Variants in HOMER2 observed in about 807,000 individuals in gnomAD.
The protein encoded by HOMER2 is homer protein homolog 2.
In HOMER2, 27 loss-of-function variants were observed where a neutral mutation model predicts 47.0. That is an observed-to-expected ratio of 0.57 (90% confidence interval 0.42 to 0.79). The LOEUF (loss-of-function observed/expected upper bound fraction) is 0.79, where lower values mean the gene tolerates loss of function less well. HOMER2 is among the 30% of genes least tolerant of loss of function. The pLI, the probability that HOMER2 is intolerant of heterozygous loss-of-function variation, is 0.00. For missense variants in HOMER2, 443 were observed against 435.0 expected, an observed-to-expected ratio of 1.02 and a Z score of -0.16; for synonymous variants, 161 against 163.8, an observed-to-expected ratio of 0.98 and a Z score of 0.13.
intron 7 of HOMER2, among the ~76,000 whole-genome samples, chr15:82,851,791 T>A (rs772395635): frequency 2.1e-4 from 32 of 152,170 alleles, no homozygotes; most frequent in African/African-American, 3.9e-4. Context: ...TAAATTTTTT[T>A]AAAAAAGAAA....
Position 82,928,940 on chromosome 15 carries a change from TAAAAAAA to T in HOMER2, c.5+23584_5+23590del. ...TAACAACTGGCAAAAAAATAAAAAC[TAAAAAAA>T]AAAAAAAAAAAAAGCTGTCATGCAT... On this transcript the variant is annotated intron_variant, in intron 1 of 8. Coordinates refer to ENST00000450735, the MANE Select transcript of HOMER2 (RefSeq NM_004839.4). Among the ~76,000 whole-genome samples, 7 of 39,942 alleles carry T rather than the reference TAAAAAAA, an allele frequency of 1.8e-4. 1 individual carries two copies. Among genetic ancestry groups the T allele is most frequent in the African/African-American group, 7.7e-4 (5 of 6,474 alleles). 26.2% of individuals were successfully genotyped at this position (39,942 alleles called of 152,430 possible).
intron 1 of HOMER2, among the ~76,000 whole-genome samples, chr15:82,896,118 T>C (rs1309904940): frequency 6.6e-6 from 1 of 151,468 alleles, no homozygotes; most frequent in Non-Finnish European, 1.5e-5. Context: ...AAGAACAGGG[T>C]CTCTGGATGC....
chr15:82,925,249 G>A (rs2053826320), intron 1 of HOMER2, among the ~76,000 whole-genome samples: 1 of 152,170 alleles, frequency 6.6e-6, no homozygotes, highest in Non-Finnish European at 1.5e-5. Flanking sequence ...AGCCCCTGCA[G>A]GTGCCTCTCA....
chr15:82,952,077 G>C (rs1355166560), intron 1 of HOMER2: 5 of 978,358 alleles, frequency 5.1e-6, no homozygotes, highest in African/African-American at 1.7e-5. Flanking sequence ...CTATTCCTAC[G>C]CTGGAGGTTT....
At chr15:82,955,569 A>C (rs1164354358), upstream of HOMER2, among the ~76,000 whole-genome samples, 1 of 152,200 alleles carries the variant, frequency 6.6e-6, no homozygotes, top group Non-Finnish European at 1.5e-5. Context: ...CAGGGACTTC[A>C]AACATTTTTT....
At chr15:82,857,564 G>A (rs2051630374) in intron 5 of HOMER2, among the ~76,000 whole-genome samples, 1 of 151,586 alleles carries the variant, frequency 6.6e-6, no homozygotes, top group South Asian at 2.1e-4. Flanking sequence ...CTGAGTAGCT[G>A]GGATTACAGG....
intron 1 of HOMER2, among the ~76,000 whole-genome samples, chr15:82,965,656 G>A (rs531187823): frequency 1.3e-5 from 2 of 152,194 alleles, no homozygotes; most frequent in East Asian, 3.9e-4. Flanking sequence ...TGTAAAATGG[G>A]CAATATTGGT....
chr15:82,896,737 C>A (rs1220691369), intron 1 of HOMER2, among the ~76,000 whole-genome samples: 1 of 152,202 alleles, frequency 6.6e-6, no homozygotes, highest in Non-Finnish European at 1.5e-5. Context: ...GATTGCACGG[C>A]CAGTCTGGCA....
intron 1 of HOMER2, among the ~76,000 whole-genome samples, chr15:82,941,570 A>T (rs77179055): frequency 0.011 from 1,629 of 151,644 alleles, 8 homozygotes; most frequent in Non-Finnish European, 0.016. Context: ...ACCCACCCCA[A>T]GTCACCTCTT....
intron 1 of HOMER2, among the ~76,000 whole-genome samples, chr15:82,965,977 C>T (rs1462258129): frequency 6.6e-6 from 1 of 152,056 alleles, no homozygotes; most frequent in African/African-American, 2.4e-5. Flanking sequence ...ACCTGTAGTC[C>T]CTGCTATTGG....
At chr15:82,877,406 G>A (rs1270985503) in intron 2 of HOMER2, among the ~76,000 whole-genome samples, 2 of 152,130 alleles carry the variant, frequency 1.3e-5, no homozygotes, top group African/African-American at 2.4e-5. Flanking sequence ...CTGACCTCAG[G>A]TGATCCGCCC....
chr15:82,840,276 A>C (rs2051163481), exon 2 of HOMER2: 1 of 152,198 alleles, frequency 6.6e-6, no homozygotes, highest in African/African-American at 2.4e-5. Context: ...ATAGTAAAAC[A>C]GTAAAATTAA....
intron 1 of HOMER2, among the ~76,000 whole-genome samples, chr15:82,982,702 C>G (rs2030435501): frequency 6.6e-6 from 1 of 152,128 alleles, no homozygotes; most frequent in Non-Finnish European, 1.5e-5. Context: ...GGTAAGTCCT[C>G]AATACTTACA....
At chr15:82,866,363 A>G (rs1406205451) in intron 3 of HOMER2, among the ~76,000 whole-genome samples, 1 of 152,180 alleles carries the variant, frequency 6.6e-6, no homozygotes, top group East Asian at 1.9e-4. Context: ...CTCTACCCCC[A>G]TTGTACCTAG....
chr15:82,984,177 CG>C (rs1364620691), intron 1 of HOMER2, among the ~76,000 whole-genome samples: 1 of 151,914 alleles, frequency 6.6e-6, no homozygotes, highest in East Asian at 1.9e-4. Context: ...GGACTACAGG[CG>C]CCGGCCACCA....
chr15:82,983,620 ACT>A, intron 1 of HOMER2, among the ~76,000 whole-genome samples: 1 of 150,130 alleles, frequency 6.7e-6, no homozygotes, highest in Admixed American at 6.7e-5. Context: ...ATGGAGTCTC[ACT>A]CTGTCGCCCA....
At chr15:82,866,632 AC>A (rs1360047884) in intron 3 of HOMER2, among the ~76,000 whole-genome samples, 1 of 152,208 alleles carries the variant, frequency 6.6e-6, no homozygotes, top group African/African-American at 2.4e-5. Flanking sequence ...CATGGGAAGA[AC>A]CTGGTGGGAG....
intron 1 of HOMER2, among the ~76,000 whole-genome samples, chr15:82,906,841 A>C (rs74624243): frequency 3.3e-5 from 5 of 152,238 alleles, no homozygotes; most frequent in African/African-American, 1.2e-4. Context: ...TAGCTCTATC[A>C]CTTTCAGACA....
At chr15:82,923,857 C>G (rs1032694102) in intron 1 of HOMER2, among the ~76,000 whole-genome samples, 2 of 152,174 alleles carry the variant, frequency 1.3e-5, no homozygotes, top group Admixed American at 6.5e-5. Flanking sequence ...GTGACCCTTC[C>G]CAATGCGCCC....
Sources: gnomAD v4.1 joint callset for allele counts (sites outside exome capture counted in the v4.1 genomes callset) on GRCh38, gnomAD v4.1.1 for gene constraint, MANE v1.5 for transcripts, NCBI Gene and HGNC (gene_info 2026-07-23, HGNC 2026-07-21) for gene names.